WDFY2: variants seen among roughly 807,000 people sequenced by gnomAD.
The protein encoded by WDFY2 is WD repeat and FYVE domain-containing protein 2.
A neutral mutation model predicts 56.4 loss-of-function variants in WDFY2; 36 were observed. That is an observed-to-expected ratio of 0.64 (90% CI 0.49 to 0.84). The LOEUF (loss-of-function observed/expected upper bound fraction) is 0.84. Among genes scored for constraint, WDFY2 ranks in the 40% least tolerant of loss-of-function variants. The probability of loss-of-function intolerance (pLI) is 0.00; values close to 1 mark genes in which losing one functional copy is unlikely to be tolerated. For synonymous variants in WDFY2, 176 were observed against 183.7 expected, an observed-to-expected ratio of 0.96 and a Z score of 0.34; for missense variants, 444 against 512.2, an observed-to-expected ratio of 0.87 and a Z score of 1.29.
intron 3 of WDFY2, among the ~76,000 whole-genome samples, chr13:51,683,551 G>C (rs947783321): frequency 2.0e-5 from 3 of 152,206 alleles, no homozygotes; most frequent in African/African-American, 7.2e-5. Flanking sequence ...CCTTTCAAGA[G>C]TACCTTGACA....
rs1397199952 is a variant in WDFY2 at position 51,734,665 on chromosome 13, A to G, written c.599-4384A>G. On this transcript the variant is annotated intron_variant, in intron 6 of 11. Coordinates refer to ENST00000298125, the MANE Select transcript of WDFY2 (RefSeq NM_052950.4). ...TGTTGTACAGCCATTGCCTCTATCC[A>G]TTTCCAGAACTTCTTCATCATCCTT... Among the ~76,000 whole-genome samples the G allele has an allele frequency of 2.0e-5, 3 of 152,190 alleles. No homozygotes were observed. The East Asian group carries it at 5.8e-4, about 29-fold the overall frequency.
At position 51,675,174 on chromosome 13, in the gene WDFY2, A is replaced by G. The variant is rs149169756; in HGVS notation, c.210A>G (p.Pro70=). ...CAACATGTTCATTTCTTTCAGCTCC[A>G]TGTTCATGCATGTCTTTTAACCCGG... ...WPSVYHAMPS[P]CSCMSFNPET... The change falls in exon 3 of 12, where the codon CCA becomes CCG. Residue 70 remains proline, a synonymous_variant. Coordinates refer to ENST00000298125, the MANE Select transcript of WDFY2 (RefSeq NM_052950.4). 53 of 1,613,916 alleles carry G rather than the reference A, an allele frequency of 3.3e-5. No individual in the cohort carries two copies. In the East Asian group the frequency reaches 8.2e-4, roughly 25 times the overall value.
intron 2 of WDFY2, among the ~76,000 whole-genome samples, chr13:51,667,992 C>T (rs536063120): frequency 2.7e-5 from 4 of 146,452 alleles, no homozygotes; most frequent in East Asian, 2.1e-4. Context: ...CCAGGGTTCA[C>T]GCCGTTCTCC....
At chr13:51,710,655 G>T (rs1221905988) in intron 4 of WDFY2, among the ~76,000 whole-genome samples, 2 of 152,254 alleles carry the variant, frequency 1.3e-5, no homozygotes, top group Middle Eastern at 3.4e-3. Flanking sequence ...CAGACAAACA[G>T]AGAGCCAAAT....
intron 1 of WDFY2, chr13:51,587,505 G>C (rs1279528085): frequency 6.6e-6 from 1 of 152,160 alleles, no homozygotes. Flanking sequence ...CCTATGAAAG[G>C]CTTATGTGGA....
At chr13:51,734,523 A>G (rs1566202338) in intron 6 of WDFY2, among the ~76,000 whole-genome samples, 1 of 152,218 alleles carries the variant, frequency 6.6e-6, no homozygotes, top group Admixed American at 6.5e-5. Context: ...CTTTTATTTT[A>G]AAAATATTTT....
intron 4 of WDFY2, among the ~76,000 whole-genome samples, chr13:51,707,923 A>G (rs1220059873): frequency 7.5e-6 from 1 of 133,190 alleles, no homozygotes; most frequent in Non-Finnish European, 1.6e-5. Flanking sequence ...GATATATACT[A>G]TTAACCCTAA....
chr13:51,661,056 T>G lies in WDFY2; in HGVS notation c.205+393T>G, dbSNP rs368210381. Among the ~76,000 whole-genome samples the G allele has an allele frequency of 7.2e-5, 11 of 152,352 alleles. 1 individual carries two copies. In the South Asian group the frequency reaches 1.4e-3, roughly 20 times the overall value. On this transcript the variant is annotated intron_variant, in intron 2 of 11. Coordinates refer to ENST00000298125, the MANE Select transcript of WDFY2 (RefSeq NM_052950.4). Reference sequence around the variant, plus strand: ...CTTATTGTTATATCATTTATTCAAATTCAAGACATTCAGCATTGAGCATTC... The same window carrying G: ...CTTATTGTTATATCATTTATTCAAAGTCAAGACATTCAGCATTGAGCATTC...
At chr13:51,717,651 T>G (rs1184846832) in intron 4 of WDFY2, among the ~76,000 whole-genome samples, 2 of 152,102 alleles carry the variant, frequency 1.3e-5, no homozygotes. Flanking sequence ...ATTCCATCAC[T>G]GATAGAACTT....
At chr13:51,627,517 T>A (rs1206662184) in intron 1 of WDFY2, among the ~76,000 whole-genome samples, 2 of 151,992 alleles carry the variant, frequency 1.3e-5, no homozygotes, top group Non-Finnish European at 2.9e-5. Context: ...TATGGACACC[T>A]GCCACCACAC....
chr13:51,655,648 CTTGTGGTATCT>C (rs1166973025), intron 1 of WDFY2, among the ~76,000 whole-genome samples: 2 of 152,064 alleles, frequency 1.3e-5, no homozygotes, highest in African/African-American at 2.4e-5. Flanking sequence ...CTGTAGTTTT[CTTGTGGTATCT>C]TTGTCCAGCT....
chr13:51,628,604 C>CT (rs1457694220), intron 1 of WDFY2, among the ~76,000 whole-genome samples: 15 of 152,180 alleles, frequency 9.9e-5, no homozygotes, highest in Admixed American at 4.6e-4. Context: ...GCGAGTATCC[C>CT]TAGCGGCACC....
chr13:51,584,800 G>A lies in WDFY2; in HGVS notation c.113G>A (p.Gly38Asp). ...NMAVIVPKEE[G>D]VISVSEDRTV... ...GCCGTGATCGTGCCCAAAGAGGAGGGCGTCATCAGCGTCTCCGAGGACAGG... is the reference window on the plus strand; with the variant it reads ...GCCGTGATCGTGCCCAAAGAGGAGGACGTCATCAGCGTCTCCGAGGACAGG... Residue 38 changes from glycine (G) to aspartate (D), a missense_variant, in exon 1 of 12, where the codon GGC becomes GAC. By Grantham distance (94) the Gly-to-Asp change is moderately conservative (BLOSUM62 -1). Coordinates refer to ENST00000298125, the MANE Select transcript of WDFY2 (RefSeq NM_052950.4). The A allele has an allele frequency of 6.2e-7, 1 of 1,613,904 alleles. No individual in the cohort carries two copies.
intron 4 of WDFY2, among the ~76,000 whole-genome samples, chr13:51,707,453 C>A (rs1256488138): frequency 6.6e-6 from 1 of 152,192 alleles, no homozygotes; most frequent in Non-Finnish European, 1.5e-5. Context: ...ACCACTGTGC[C>A]AGCACATTTT....
chr13:51,751,423 G>C lies in WDFY2; in HGVS notation c.831+8G>C. 6.2e-7 allele frequency: 1 copy of C among 1,613,428 alleles called. No individual in the cohort carries two copies. Among genetic ancestry groups the C allele is most frequent in the Non-Finnish European group, 8.5e-7 (1 of 1,179,462 alleles). On this transcript the variant is annotated splice_region_variant and intron_variant, in intron 8 of 11. Transcript: ENST00000298125. Reference sequence around the variant, plus strand: ...GACGTGGAGAGGCAGGAGGTAGGTGGCACAGCAGGGTGGGGTGGGCCCTGT... The same window carrying C: ...GACGTGGAGAGGCAGGAGGTAGGTGCCACAGCAGGGTGGGGTGGGCCCTGT...
At chr13:51,678,012 G>T (rs1330519664) in intron 3 of WDFY2, among the ~76,000 whole-genome samples, 1 of 152,126 alleles carries the variant, frequency 6.6e-6, no homozygotes, top group African/African-American at 2.4e-5. Context: ...TATACCTTTT[G>T]CTCTTTTCTA....
intron 1 of WDFY2, among the ~76,000 whole-genome samples, chr13:51,630,963 A>G (rs1954940743): frequency 6.6e-6 from 1 of 150,964 alleles, no homozygotes; most frequent in Non-Finnish European, 1.5e-5. Context: ...TATTTTTAGT[A>G]CAGACGGGGT....
intron 3 of WDFY2, among the ~76,000 whole-genome samples, chr13:51,684,564 G>C (rs1055231161): frequency 6.6e-6 from 1 of 151,974 alleles, no homozygotes. Flanking sequence ...GGCCCATTCT[G>C]TTCTCATGAG....
In WDFY2 at chr13:51,759,854, C is replaced by A; in HGVS notation, c.*85C>A. The A allele has an allele frequency of 1.4e-6, 2 of 1,425,866 alleles. No individual in the cohort carries two copies. Among genetic ancestry groups the A allele is most frequent in the Non-Finnish European group, 2.0e-6 (2 of 1,019,590 alleles). The allele number at this position is 1,425,866 out of a possible 1,614,324, so 88.3% of individuals were successfully genotyped here. On this transcript the variant is annotated 3_prime_UTR_variant, in exon 12 of 12. Coordinates refer to ENST00000298125, the MANE Select transcript of WDFY2 (RefSeq NM_052950.4). ...ATCATTACCAGAGTGGTAAAGCAGACATGTGAGAAGTAAGAAAGAAACTAA... is the reference window on the plus strand; with the variant it reads ...ATCATTACCAGAGTGGTAAAGCAGAAATGTGAGAAGTAAGAAAGAAACTAA...
Sources: gnomAD v4.1 joint callset for allele counts (sites outside exome capture counted in the v4.1 genomes callset) on GRCh38, gnomAD v4.1.1 for gene constraint, MANE v1.5 for transcripts, NCBI Gene and HGNC (gene_info 2026-07-23, HGNC 2026-07-21) for gene names.